APBB2: variants seen among roughly 807,000 people sequenced by gnomAD.
APBB2 encodes the protein amyloid beta precursor protein binding family B member 2.
In APBB2, 38 loss-of-function variants were observed where a neutral mutation model predicts 82.5. The ratio of observed to expected loss-of-function variants is 0.46; its 90% CI spans 0.36 to 0.60. The LOEUF is 0.60. APBB2 is among the 20% of genes least tolerant of loss of function. APBB2 has a pLI of 0.00. For synonymous variants in APBB2, 341 were observed against 368.2 expected (o/e 0.93, Z 0.85); for missense variants, 772 against 972.3 (o/e 0.79, Z 2.74).
intron 2 of APBB2, among the ~76,000 whole-genome samples, chr4:41,104,640 C>T (rs1399460939): frequency 6.6e-6 from 1 of 152,150 alleles, no homozygotes; most frequent in African/African-American, 2.4e-5. Flanking sequence ...TCCTCCCACC[C>T]TTGGCCCTGC....
intron 5 of APBB2, among the ~76,000 whole-genome samples, chr4:41,032,864 A>C (rs1391859499): frequency 7.8e-6 from 1 of 127,450 alleles, no homozygotes; most frequent in Admixed American, 1.1e-4. Context: ...GACTCACTGC[A>C]AGCTCCGCCT....
intron 1 of APBB2, among the ~76,000 whole-genome samples, chr4:41,151,776 T>G (rs28490004): frequency 6.7e-6 from 1 of 149,138 alleles, no homozygotes; most frequent in African/African-American, 2.4e-5. Context: ...TGGTCTTCTT[T>G]TTTTTTTTTA....
intron 2 of APBB2, among the ~76,000 whole-genome samples, chr4:41,134,210 G>A (rs113682978): frequency 7.9e-5 from 12 of 152,116 alleles, no homozygotes; most frequent in African/African-American, 2.9e-4. Flanking sequence ...TGGAACTCCT[G>A]GTCTCAAGTG....
At chr4:40,822,838 G>T (rs979035080) in intron 16 of APBB2, among the ~76,000 whole-genome samples, 5 of 152,208 alleles carry the variant, frequency 3.3e-5, no homozygotes, top group Admixed American at 3.3e-4. Flanking sequence ...GGAGGCTGTG[G>T]TGGTGATCTG....
chr4:40,894,149 G>C (rs550739954), intron 10 of APBB2, among the ~76,000 whole-genome samples: 1 of 151,732 alleles, frequency 6.6e-6, no homozygotes, highest in Non-Finnish European at 1.5e-5. Flanking sequence ...TTAGCCAGGC[G>C]TGGTGGTGGG....
At chr4:41,003,747 C>CT (rs1805869843) in intron 6 of APBB2, among the ~76,000 whole-genome samples, 1 of 152,184 alleles carries the variant, frequency 6.6e-6, no homozygotes, top group Admixed American at 6.5e-5. Context: ...GAGTCTCGCT[C>CT]TGTTGCTCAG....
intron 1 of APBB2, among the ~76,000 whole-genome samples, chr4:41,209,774 AT>A (rs1239368874): frequency 1.3e-5 from 2 of 152,262 alleles, no homozygotes; most frequent in African/African-American, 2.4e-5. Context: ...AGTTAATTTT[AT>A]GACAACCATT....
At chr4:40,997,178 C>A (rs1027749349) in intron 6 of APBB2, among the ~76,000 whole-genome samples, 1 of 152,114 alleles carries the variant, frequency 6.6e-6, no homozygotes, top group South Asian at 2.1e-4. Context: ...CTATATAAAC[C>A]CCTAAGTTTA....
intron 1 of APBB2, among the ~76,000 whole-genome samples, chr4:41,177,175 T>C (rs540228079): frequency 1.1e-4 from 17 of 152,326 alleles, no homozygotes; most frequent in African/African-American, 4.1e-4. Flanking sequence ...ACACCACAGA[T>C]GCTATCTGCT....
chr4:41,210,929 C>G (rs905413159), intron 1 of APBB2, among the ~76,000 whole-genome samples: 1 of 152,154 alleles, frequency 6.6e-6, no homozygotes, highest in African/African-American at 2.4e-5. Context: ...ATGATATATA[C>G]AAAACCTTAA....
intron 5 of APBB2, among the ~76,000 whole-genome samples, chr4:41,017,681 C>T (rs1316858518): frequency 2.0e-5 from 3 of 152,228 alleles, no homozygotes; most frequent in South Asian, 2.1e-4. Flanking sequence ...CTACTTTGTA[C>T]GCAAGTAATA....
intron 6 of APBB2, among the ~76,000 whole-genome samples, chr4:40,972,221 G>T (rs957630111): frequency 6.6e-5 from 10 of 152,056 alleles, no homozygotes; most frequent in African/African-American, 1.9e-4. Context: ...AGGGTCAGGA[G>T]ATGGAGACCA....
At chr4:40,923,177 G>T (rs181784276) in intron 10 of APBB2, among the ~76,000 whole-genome samples, 3 of 151,462 alleles carry the variant, frequency 2.0e-5, no homozygotes, top group Non-Finnish European at 4.4e-5. Flanking sequence ...GGGTTTCACC[G>T]TGTTAGCCAA....
chr4:41,213,365 A>G (rs2154084217), intron 1 of APBB2, among the ~76,000 whole-genome samples: 1 of 152,170 alleles, frequency 6.6e-6, no homozygotes, highest in South Asian at 2.1e-4. Context: ...GGAGCTTCCG[A>G]CACTGACCTT....
At chr4:41,165,477 T>C (rs1437531685) in intron 1 of APBB2, among the ~76,000 whole-genome samples, 1 of 152,120 alleles carries the variant, frequency 6.6e-6, no homozygotes, top group East Asian at 1.9e-4. Context: ...AGAATCGGTT[T>C]TTTCTCTCTC....
intron 12 of APBB2, among the ~76,000 whole-genome samples, chr4:40,874,081 G>T (rs1766234225): frequency 6.6e-6 from 1 of 152,160 alleles, no homozygotes; most frequent in African/African-American, 2.4e-5. Flanking sequence ...GGAAGAGAAA[G>T]TAATTCTATA....
intron 3 of APBB2, among the ~76,000 whole-genome samples, chr4:41,080,159 T>C (rs748042478): frequency 3.3e-5 from 5 of 152,180 alleles, no homozygotes; most frequent in Non-Finnish European, 7.4e-5. Context: ...CATCCAAAGA[T>C]TTACATTCAA....
intron 6 of APBB2, among the ~76,000 whole-genome samples, chr4:41,004,887 AAAG>A (rs1012596313): frequency 2.0e-5 from 3 of 151,360 alleles, no homozygotes; most frequent in Non-Finnish European, 4.4e-5. Context: ...GTAACAAATG[AAAG>A]AATGAATGAA....
chr4:41,041,454 CT>C (rs1248247930), intron 4 of APBB2, among the ~76,000 whole-genome samples: 1 of 152,156 alleles, frequency 6.6e-6, no homozygotes, highest in Non-Finnish European at 1.5e-5. Flanking sequence ...ACATTGTACT[CT>C]ATGGGAATAA....
Sources: gnomAD v4.1 joint callset for allele counts (sites outside exome capture counted in the v4.1 genomes callset) on GRCh38, gnomAD v4.1.1 for gene constraint, MANE v1.5 for transcripts, NCBI Gene and HGNC (gene_info 2026-07-23, HGNC 2026-07-21) for gene names.